The following PARD6G variants were observed in gnomAD, a reference collection of about 807,000 sequenced individuals.
PARD6G encodes the protein partitioning defective 6 homolog gamma.
A neutral mutation model predicts 10.7 loss-of-function variants in PARD6G; 7 were observed. That is an observed-to-expected ratio of 0.66 (90% CI 0.37 to 1.23). The LOEUF is 1.23. Ranked by LOEUF, PARD6G falls within the 50% of genes most tolerant of loss-of-function variation. The pLI, the probability that PARD6G is intolerant of heterozygous loss-of-function variation, is 0.02. For synonymous variants in PARD6G, 287 were observed against 269.4 expected (o/e 1.07, Z -0.64); for missense variants, 548 against 571.8 (o/e 0.96, Z 0.42).
intron 1 of PARD6G, among the ~76,000 whole-genome samples, chr18:80,235,979 G>A (rs2145304852): frequency 6.6e-6 from 1 of 152,266 alleles, no homozygotes; most frequent in African/African-American, 2.4e-5. Flanking sequence ...GAAAAAGAGG[G>A]AATCCTCCCT....
chr18:80,238,616 C>A (rs1967453832), intron 1 of PARD6G, among the ~76,000 whole-genome samples: 1 of 151,998 alleles, frequency 6.6e-6, no homozygotes, highest in African/African-American at 2.4e-5. Flanking sequence ...TAGAAAAGGG[C>A]ATGAAGGAAC....
In PARD6G at chr18:80,213,883, G is replaced by A. The variant is rs369648343; in HGVS notation, c.73-10951C>T. 8.7e-5 allele frequency among the ~76,000 whole-genome samples: 13 copies of A among 150,276 alleles called. No homozygotes were observed. In the East Asian group the frequency reaches 1.2e-3, roughly 14 times the overall value. On this transcript the variant is annotated intron_variant, in intron 1 of 2. Transcript: ENST00000353265. ...TGAGGCAGGAGAATGGCATGAATCC[G>A]GAAGGCAGAGCTTGCAATGAGCCGA...
intron 1 of PARD6G, among the ~76,000 whole-genome samples, chr18:80,238,349 G>C (rs1465045859): frequency 6.6e-6 from 1 of 152,038 alleles, no homozygotes; most frequent in East Asian, 1.9e-4. Flanking sequence ...TGTGGGGTGT[G>C]GGGAGGGAGT....
chr18:80,232,291 C>T (rs542208785), intron 1 of PARD6G, among the ~76,000 whole-genome samples: 246 of 152,212 alleles, frequency 1.6e-3, no homozygotes, highest in African/African-American at 5.5e-3. Flanking sequence ...AAGCCTACTG[C>T]GGGGCTGCTG....
intron 1 of PARD6G, among the ~76,000 whole-genome samples, chr18:80,205,428 C>T (rs1413936138): frequency 6.6e-6 from 1 of 152,176 alleles, no homozygotes; most frequent in Admixed American, 6.5e-5. Context: ...GTGTCCCCAC[C>T]CAGGTCTCAT....
Position 80,160,422 on chromosome 18 carries a change from C to A in PARD6G, c.480G>T (p.Arg160=). Residue 160 remains arginine (R), a synonymous_variant, in exon 3 of 3, where the codon CGG becomes CGT. Coordinates refer to ENST00000353265, the MANE Select transcript of PARD6G (RefSeq NM_032510.4). ...GCTTCTCGCAGCCGTGCCGGTGCAG[C>A]CGCACTCGCCGGTGCGTCTCGGGGA... The part of the protein sequence containing the change: ...DLVPETHRRV[R]LHRHGCEKPL... The A allele has an allele frequency of 6.3e-7, 1 of 1,593,310 alleles. No individual in the cohort carries two copies. Among genetic ancestry groups the A allele is most frequent in the African/African-American group, 1.3e-5 (1 of 74,672 alleles).
At chr18:80,196,267 C>T (rs955681803) in intron 2 of PARD6G, among the ~76,000 whole-genome samples, 3 of 152,124 alleles carry the variant, frequency 2.0e-5, no homozygotes, top group Admixed American at 6.5e-5. Context: ...TGTAAAACTA[C>T]GTCCAACTAA....
chr18:80,205,247 G>A (rs148102970), intron 1 of PARD6G, among the ~76,000 whole-genome samples: 76 of 152,300 alleles, frequency 5.0e-4, no homozygotes, highest in Middle Eastern at 3.4e-3. Context: ...GCATGTAGGC[G>A]ATGCAGATTC....
At chr18:80,227,016 GT>G (rs1472550104) in intron 1 of PARD6G, among the ~76,000 whole-genome samples, 4 of 152,290 alleles carry the variant, frequency 2.6e-5, no homozygotes, top group Admixed American at 6.5e-5. Context: ...CCAGGCTGCA[GT>G]GCAGTGTGGC....
chr18:80,201,020 C>T lies in PARD6G; in HGVS notation c.295+1690G>A, dbSNP rs1024181143. On this transcript the variant is annotated intron_variant, in intron 2 of 2. Transcript: ENST00000353265. This position sits in a 1 kb window ranked among gnomAD's most constrained non-coding sequence, Gnocchi z 5.9. The stretch of plus-strand genomic sequence containing the variant: ...TACACACCTTCTTCACACCATTGCT[C>T]ACCCCACACCATGTGAGCAAATGCT... 6.6e-6 allele frequency among the ~76,000 whole-genome samples: 1 copy of T among 152,194 alleles called. No individual in the cohort carries two copies. Among genetic ancestry groups the T allele is most frequent in the African/African-American group, 2.4e-5 (1 of 41,444 alleles).
rs189537722 is a variant in PARD6G at position 80,228,987 on chromosome 18, G to T, written c.72+18290C>A. The stretch of plus-strand genomic sequence containing the variant: ...GGAGTCTCACTCTGTCGCCCAGGCT[G>T]GAGTGCAGTGGCATGATCTTGGCTC... On this transcript the variant is annotated intron_variant, in intron 1 of 2. Transcript: ENST00000353265. This position sits in a 1 kb window ranked among gnomAD's most constrained non-coding sequence, Gnocchi z 4.6. 9.8e-5 allele frequency among the ~76,000 whole-genome samples: 15 copies of T among 152,306 alleles called. No individual in the cohort carries two copies. The highest frequency in any genetic ancestry group is 9.8e-4 in the Admixed American group (15 of 15,300).
chr18:80,222,377 T>C (rs1967241079), intron 1 of PARD6G, among the ~76,000 whole-genome samples: 1 of 152,056 alleles, frequency 6.6e-6, no homozygotes. Context: ...GCATGAGCCA[T>C]GGCACCCAGC....
Position 80,180,957 on chromosome 18 carries a change from C to G in PARD6G, c.296-20351G>C, listed in dbSNP as rs967203935. Among the ~76,000 whole-genome samples the G allele has an allele frequency of 6.6e-6, 1 of 152,230 alleles. No homozygotes were observed. The highest frequency in any genetic ancestry group is 1.5e-5 in the Non-Finnish European group (1 of 68,024). ...CAGATGCCCCACAGCAAAGAAATGTCCAGCGCAGAACGTCAGCAGTGCTGA... is the reference window on the plus strand; with the variant it reads ...CAGATGCCCCACAGCAAAGAAATGTGCAGCGCAGAACGTCAGCAGTGCTGA... On this transcript the variant is annotated intron_variant, in intron 2 of 2. Transcript: ENST00000353265. The surrounding 1 kb of genome is among the most constrained non-coding windows in gnomAD (Gnocchi z 5.6).
chr18:80,223,584 T>G (rs1967255183), intron 1 of PARD6G, among the ~76,000 whole-genome samples: 1 of 152,176 alleles, frequency 6.6e-6, no homozygotes, highest in Non-Finnish European at 1.5e-5. Context: ...TAAGAACGTG[T>G]GGGAATCTTA....
At position 80,195,572 on chromosome 18, in the gene PARD6G, T is replaced by C. The variant is rs940299485; in HGVS notation, c.295+7138A>G. Among the ~76,000 whole-genome samples the C allele has an allele frequency of 3.0e-3, 266 of 87,260 alleles. 7 individuals carry two copies. The highest frequency in any genetic ancestry group is 9.1e-3 in the African/African-American group (153 of 16,904). The allele number at this position is 87,260 out of a possible 152,430, so 57.2% of individuals were successfully genotyped here. A position where few individuals can be genotyped will look rare whatever the true frequency, so the allele number is the denominator to read the frequency against. On this transcript the variant is annotated intron_variant, in intron 2 of 2. Coordinates refer to ENST00000353265, the MANE Select transcript of PARD6G (RefSeq NM_032510.4). Reference sequence around the variant, plus strand: ...ACATATATATATATATATATATATATACACACATTTTTTTTTCTTTTTTTT... The same window carrying C: ...ACATATATATATATATATATATATACACACACATTTTTTTTTCTTTTTTTT...
At chr18:80,199,424 A>G (rs1356150986) in intron 2 of PARD6G, among the ~76,000 whole-genome samples, 1 of 152,092 alleles carries the variant, frequency 6.6e-6, no homozygotes, top group Non-Finnish European at 1.5e-5. Context: ...TTTTTTATCC[A>G]TTTATCAGCT....
intron 2 of PARD6G, among the ~76,000 whole-genome samples, chr18:80,199,925 G>A (rs113440593): frequency 6.6e-6 from 1 of 152,194 alleles, no homozygotes; most frequent in Non-Finnish European, 1.5e-5. Flanking sequence ...GATTACAGGC[G>A]TGAGCCACCA....
chr18:80,218,846 A>G (rs923735619), intron 1 of PARD6G, among the ~76,000 whole-genome samples: 1 of 152,202 alleles, frequency 6.6e-6, no homozygotes, highest in African/African-American at 2.4e-5. Flanking sequence ...CCAAACCTCA[A>G]TTATTGACTT....
chr18:80,204,263 T>G (rs1967035471), intron 1 of PARD6G, among the ~76,000 whole-genome samples: 1 of 152,154 alleles, frequency 6.6e-6, no homozygotes, highest in Non-Finnish European at 1.5e-5. Context: ...ATCTAGACAT[T>G]GTATGAATGA....
Sources: gnomAD v4.1 joint callset for allele counts (sites outside exome capture counted in the v4.1 genomes callset) on GRCh38, gnomAD v4.1.1 for gene constraint, Gnocchi (gnomAD v3.1) non-coding constraint, MANE v1.5 for transcripts, NCBI Gene and HGNC (gene_info 2026-07-23, HGNC 2026-07-21) for gene names.